Variants in PIBF1 observed in about 807,000 individuals in gnomAD.
The protein encoded by PIBF1 is progesterone-induced-blocking factor 1.
In PIBF1, 90 loss-of-function variants were observed where a neutral mutation model predicts 112.5. That is an observed-to-expected ratio of 0.80 (90% CI 0.67 to 0.95). The LOEUF is 0.95. Ranked by LOEUF, PIBF1 falls within the 40% of genes least tolerant of loss-of-function variation. PIBF1 has a pLI of 0.00. For missense variants in PIBF1, 915 were observed against 852.3 expected, an observed-to-expected ratio of 1.07 and a Z score of -0.92; for synonymous variants, 301 against 288.6, an observed-to-expected ratio of 1.04 and a Z score of -0.44.
chr13:72,827,784 C>A lies in PIBF1; in HGVS notation c.967C>A (p.Leu323Ile). 1 of 1,601,722 alleles carries A rather than the reference C, an allele frequency of 6.2e-7. No individual in the cohort carries two copies. Among genetic ancestry groups the A allele is most frequent in the South Asian group, 1.1e-5 (1 of 87,852 alleles). The stretch of plus-strand genomic sequence containing the variant: ...TTTACTGCAAAAGGATAAAGAATAT[C>A]TTAATCGCCAAAACATGGAGCTTAG... ...VTLLQKDKEY[L>I]NRQNMELSVR... Residue 323 changes from leucine to isoleucine, a missense_variant, in exon 8 of 18, where the codon CTT becomes ATT. Leu to Ile is a conservative substitution (Grantham distance 5). Coordinates refer to ENST00000326291, the MANE Select transcript of PIBF1 (RefSeq NM_006346.4).
intron 17 of PIBF1, among the ~76,000 whole-genome samples, chr13:73,010,192 C>T (rs1271523349): frequency 2.0e-5 from 3 of 151,796 alleles, no homozygotes; most frequent in Non-Finnish European, 2.9e-5. Flanking sequence ...CAGAACTTAC[C>T]CCCACTATGG....
intron 10 of PIBF1, among the ~76,000 whole-genome samples, chr13:72,877,641 G>A (rs1225814949): frequency 6.6e-6 from 1 of 151,840 alleles, no homozygotes; most frequent in Non-Finnish European, 1.5e-5. Flanking sequence ...GGTCCATTTT[G>A]TCTAATTTAT....
At chr13:72,799,163 A>G (rs1351371050) in intron 5 of PIBF1, among the ~76,000 whole-genome samples, 3 of 152,190 alleles carry the variant, frequency 2.0e-5, no homozygotes, top group Admixed American at 6.5e-5. Flanking sequence ...AGAAAATAAT[A>G]CTGTTTGTTC....
chr13:72,828,448 G>A (rs910009881), intron 8 of PIBF1, among the ~76,000 whole-genome samples: 9 of 151,680 alleles, frequency 5.9e-5, no homozygotes, highest in Admixed American at 2.6e-4. Flanking sequence ...CCCGACAGGC[G>A]CCGGTGTGTG....
At chr13:73,001,399 C>G (rs2043861667) in intron 17 of PIBF1, among the ~76,000 whole-genome samples, 1 of 151,846 alleles carries the variant, frequency 6.6e-6, no homozygotes, top group Non-Finnish European at 1.5e-5. Context: ...AATCCAGATC[C>G]TTTGGCTGAA....
At chr13:72,987,870 T>TA (rs1566522374) in intron 16 of PIBF1, among the ~76,000 whole-genome samples, 2 of 113,414 alleles carry the variant, frequency 1.8e-5, no homozygotes, top group African/African-American at 7.0e-5. Context: ...TTTTTTTTTT[T>TA]TTTTTTTTTT....
intron 14 of PIBF1, among the ~76,000 whole-genome samples, chr13:72,956,035 T>C (rs1348459936): frequency 2.0e-5 from 3 of 152,170 alleles, no homozygotes; most frequent in Admixed American, 6.5e-5. Flanking sequence ...CCTATAAATA[T>C]TTAATGGAAG....
chr13:72,802,154 C>T (rs1054073063), intron 5 of PIBF1, among the ~76,000 whole-genome samples: 1 of 152,098 alleles, frequency 6.6e-6, no homozygotes, highest in African/African-American at 2.4e-5. Context: ...AAAAGTTACA[C>T]ATGGATTTTT....
At chr13:73,007,223 G>T (rs2044059171) in intron 17 of PIBF1, among the ~76,000 whole-genome samples, 1 of 149,516 alleles carries the variant, frequency 6.7e-6, no homozygotes, top group Non-Finnish European at 1.5e-5. Context: ...TAATAAAATA[G>T]AAAAAAGAAA....
chr13:73,005,960 C>A (rs2044021195), intron 17 of PIBF1, among the ~76,000 whole-genome samples: 1 of 147,524 alleles, frequency 6.8e-6, no homozygotes, highest in Admixed American at 6.9e-5. Context: ...TGCTCTGTCG[C>A]CCAGGCTGGA....
At chr13:72,942,878 A>G (rs1296015439) in intron 14 of PIBF1, among the ~76,000 whole-genome samples, 1 of 151,970 alleles carries the variant, frequency 6.6e-6, no homozygotes, top group East Asian at 1.9e-4. Context: ...GTGTGCACAT[A>G]TAGTCCCAGC....
At chr13:72,969,356 T>A (rs1566501799) in intron 15 of PIBF1, among the ~76,000 whole-genome samples, 1 of 152,176 alleles carries the variant, frequency 6.6e-6, no homozygotes, top group Non-Finnish European at 1.5e-5. Flanking sequence ...CAAGAAAAAT[T>A]TTGTACTAAA....
At chr13:72,927,420 C>T (rs942269900) in intron 13 of PIBF1, among the ~76,000 whole-genome samples, 6 of 152,066 alleles carry the variant, frequency 3.9e-5, no homozygotes, top group African/African-American at 7.2e-5. Flanking sequence ...AGGAGAATGG[C>T]GCGAACCCGG....
At chr13:72,981,793 T>C (rs2043164120) in intron 16 of PIBF1, among the ~76,000 whole-genome samples, 1 of 152,224 alleles carries the variant, frequency 6.6e-6, no homozygotes, top group African/African-American at 2.4e-5. Context: ...TACATTCTAC[T>C]TTCTACTATA....
chr13:72,795,553 T>C lies in PIBF1; in HGVS notation c.548T>C (p.Val183Ala), dbSNP rs777377598. 1.6e-5 allele frequency: 23 copies of C among 1,471,706 alleles called. No homozygotes were observed. Among genetic ancestry groups the C allele is most frequent in the Non-Finnish European group, 2.1e-5 (22 of 1,066,694 alleles). 91.2% of individuals were successfully genotyped at this position (1,471,706 alleles called of 1,614,324 possible). Residue 183 changes from valine to alanine, a missense_variant, in exon 4 of 18, where the codon GTA (valine) becomes GCA (alanine). Transcript: ENST00000326291. ...GATCAGCTTTCTATTCCTGAATATG[T>C]ATCTGTAAGTATCTTATATCTATTT... ...PEDQLSIPEY[V>A]SVRFYELVNP...
chr13:72,809,031 G>A (rs2035874022), intron 5 of PIBF1, among the ~76,000 whole-genome samples: 1 of 151,594 alleles, frequency 6.6e-6, no homozygotes, highest in African/African-American at 2.4e-5. Context: ...CATGAATCTG[G>A]AGAAAATAAA....
At position 72,876,134 on chromosome 13, in the gene PIBF1, C is replaced by CTTTTTTTTTTT. The variant is rs386363749; in HGVS notation, c.1323-17641_1323-17631dup. 1.7e-3 allele frequency among the ~76,000 whole-genome samples: 154 copies of CTTTTTTTTTTT among 91,200 alleles called. 3 individuals are homozygous for CTTTTTTTTTTT. The highest frequency in any genetic ancestry group is 2.0e-3 in the African/African-American group (45 of 22,676). 59.8% of individuals were successfully genotyped at this position (91,200 alleles called of 152,430 possible). A position where few individuals can be genotyped will look rare whatever the true frequency, so the allele number is the denominator to read the frequency against. On this transcript the variant is annotated intron_variant, in intron 10 of 17. Coordinates refer to ENST00000326291, the MANE Select transcript of PIBF1 (RefSeq NM_006346.4). The stretch of plus-strand genomic sequence containing the variant: ...AAAGGTGTAAGTCTGTGTTCAGATT[C>CTTTTTTTTTTT]TTTTTTTTTTTTTTTTTTTGCATGT...
intron 14 of PIBF1, among the ~76,000 whole-genome samples, chr13:72,962,557 A>G (rs567351544): frequency 6.6e-6 from 1 of 151,938 alleles, no homozygotes; most frequent in Admixed American, 6.6e-5. Flanking sequence ...TGATGTTGCC[A>G]CTGCACTCCA....
chr13:72,916,129 G>A (rs1374776368), intron 12 of PIBF1, among the ~76,000 whole-genome samples: 10 of 151,648 alleles, frequency 6.6e-5, no homozygotes, highest in Non-Finnish European at 8.8e-5. Context: ...TGGCTCACAC[G>A]TGTAATCCCA....
Sources: gnomAD v4.1 joint callset for allele counts (sites outside exome capture counted in the v4.1 genomes callset) on GRCh38, gnomAD v4.1.1 for gene constraint, MANE v1.5 for transcripts, NCBI Gene and HGNC (gene_info 2026-07-23, HGNC 2026-07-21) for gene names.